PITPNB: variants seen among roughly 807,000 people sequenced by gnomAD.
PITPNB encodes phosphatidylinositol transfer protein beta isoform.
PITPNB carries 16 observed loss-of-function variants against 45.9 expected under a neutral mutation model. The observed-to-expected ratio is 0.35, with a 90% CI of 0.24 to 0.53. The LOEUF (loss-of-function observed/expected upper bound fraction) is 0.53. Among genes scored for constraint, PITPNB ranks in the 20% least tolerant of loss-of-function variants. The pLI is 0.93. For missense variants in PITPNB, 188 were observed against 330.5 expected (o/e 0.57, Z 3.34); for synonymous variants, 112 against 108.9 (o/e 1.03, Z -0.18).
At chr22:27,909,542 A>G (rs1485869216) in intron 3 of PITPNB, among the ~76,000 whole-genome samples, 1 of 152,148 alleles carries the variant, frequency 6.6e-6, no homozygotes, top group Non-Finnish European at 1.5e-5. Flanking sequence ...AAGACATTCA[A>G]CCTCACTAAT....
chr22:27,873,086 G>A (rs976065984), intron 8 of PITPNB, among the ~76,000 whole-genome samples: 2 of 152,144 alleles, frequency 1.3e-5, no homozygotes, highest in African/African-American at 4.8e-5. Context: ...TGACCAACAT[G>A]GAGAAACCCC....
chr22:27,878,251 A>G (rs1406315200), intron 7 of PITPNB, among the ~76,000 whole-genome samples: 2 of 152,122 alleles, frequency 1.3e-5, no homozygotes, highest in Admixed American at 1.3e-4. Flanking sequence ...ACTGCCCTGA[A>G]TTTTCCAGTA....
intron 7 of PITPNB, among the ~76,000 whole-genome samples, chr22:27,885,847 A>C (rs1278166673): frequency 2.0e-5 from 3 of 152,272 alleles, no homozygotes; most frequent in Admixed American, 6.5e-5. Flanking sequence ...ACATTTGCAA[A>C]TTCTCTCTGA....
At chr22:27,910,656 C>A in intron 3 of PITPNB, 1 of 216,714 alleles carries the variant, frequency 4.6e-6, no homozygotes, top group Non-Finnish European at 9.2e-6. Context: ...TTAAAAATTC[C>A]TTTGAATATA....
intron 8 of PITPNB, among the ~76,000 whole-genome samples, chr22:27,870,128 G>C (rs550055459): frequency 6.6e-6 from 1 of 152,246 alleles, no homozygotes; most frequent in South Asian, 2.1e-4. Flanking sequence ...AACTACCACC[G>C]AATCAGGTGT....
intron 3 of PITPNB, among the ~76,000 whole-genome samples, chr22:27,908,687 A>G (rs563988795): frequency 3.3e-5 from 5 of 152,124 alleles, no homozygotes; most frequent in Non-Finnish European, 7.4e-5. Flanking sequence ...GAGTATATAT[A>G]AGCAAATTCA....
At position 27,884,905 on chromosome 22, in the gene PITPNB, T is replaced by C. The variant is rs190274397; in HGVS notation, c.456+9650A>G. The stretch of plus-strand genomic sequence containing the variant: ...ACATTGTTTCTACTTAAAAAGTACC[T>C]TGAAAATTATACAAATAAAGTCACA... On this transcript the variant is annotated intron_variant, in intron 7 of 11. Coordinates refer to ENST00000335272, the MANE Select transcript of PITPNB (RefSeq NM_012399.5). Among the ~76,000 whole-genome samples the C allele has an allele frequency of 3.1e-3, 474 of 152,174 alleles. 1 individual carries two copies. The highest frequency in any genetic ancestry group is 9.9e-3 in the East Asian group (51 of 5,172).
In PITPNB at chr22:27,892,705, T is replaced by C. The variant is rs565532487; in HGVS notation, c.456+1850A>G. Reference sequence around the variant, plus strand: ...GAGAAATAAAAGGGCATAACAGATATATCATTTCATTTCTACAGATTGAAA... The same window carrying C: ...GAGAAATAAAAGGGCATAACAGATACATCATTTCATTTCTACAGATTGAAA... On this transcript the variant is annotated intron_variant, in intron 7 of 11. Transcript: ENST00000335272. Among the ~76,000 whole-genome samples, 107 of 152,316 alleles carry C rather than the reference T, an allele frequency of 7.0e-4. 1 individual carries two copies. The highest frequency in any genetic ancestry group is 3.4e-3 in the Middle Eastern group (1 of 294).
In PITPNB at chr22:27,911,124, A is replaced by G. The variant is rs1935909324; in HGVS notation, c.52-15T>C. ...CCAACCTGATACTGAAATTTCAAAG[A>G]ATACAGAAACTGAGTAAGTCAGTAG... On this transcript the variant is annotated splice_polypyrimidine_tract_variant and intron_variant, in intron 2 of 11. Transcript: ENST00000335272. 1 of 1,607,610 alleles carries G rather than the reference A, an allele frequency of 6.2e-7. No individual in the cohort carries two copies. Among genetic ancestry groups the G allele is most frequent in the African/African-American group, 1.3e-5 (1 of 74,930 alleles).
intron 3 of PITPNB, among the ~76,000 whole-genome samples, chr22:27,899,500 T>A (rs962933696): frequency 6.6e-6 from 1 of 152,082 alleles, no homozygotes; most frequent in Admixed American, 6.5e-5. Context: ...TTTTTTTGTA[T>A]TTTTAGTAGA....
rs1019075285 is a variant in PITPNB, at chr22:27,895,505, G to A, written c.373-867C>T. On this transcript the variant is annotated intron_variant, in intron 6 of 11. Coordinates refer to ENST00000335272, the MANE Select transcript of PITPNB (RefSeq NM_012399.5). ...CTTGGGAGGCTGAGGCAGGAGAATT[G>A]CTTGAACCCAGGAGGCAGAGGTTGC... is the stretch of plus-strand genomic sequence containing the variant. 1.3e-4 allele frequency among the ~76,000 whole-genome samples: 20 copies of A among 151,864 alleles called. No homozygotes were observed. In the East Asian group the frequency reaches 2.1e-3, roughly 16 times the overall value.
rs1008394072 is a variant in PITPNB, at chr22:27,858,446, C to T, written c.709G>A (p.Asp237Asn). ...CTCCTAATGTCTTCCATCGTGAGAT[C>T]GATCCACTTGTCAATCCAACAAAAA... ...QLFCWIDKWIDLTMEDIRRME... is the reference protein window; with the variant it reads ...QLFCWIDKWINLTMEDIRRME... The change falls in exon 10 of 12, where the codon GAT (aspartate) becomes AAT (asparagine). Residue 237 changes from aspartate (D) to asparagine (N), a missense_variant. Transcript: ENST00000335272. 5.6e-6 allele frequency: 9 copies of T among 1,609,130 alleles called. No individual in the cohort carries two copies. The highest frequency in any genetic ancestry group is 4.5e-5 in the East Asian group (2 of 44,820).
intron 7 of PITPNB, among the ~76,000 whole-genome samples, chr22:27,882,615 T>C (rs1177551981): frequency 2.0e-5 from 3 of 152,220 alleles, no homozygotes; most frequent in Non-Finnish European, 4.4e-5. Flanking sequence ...AATCCCATTA[T>C]AGTCCTTTGA....
At chr22:27,858,702 A>C (rs1934238090) in intron 9 of PITPNB, among the ~76,000 whole-genome samples, 193 bp from the exon 10 acceptor site, 1 of 152,128 alleles carries the variant, frequency 6.6e-6, no homozygotes, top group African/African-American at 2.4e-5. Context: ...ACAAAAAAAA[A>C]CTTTCCCTGT....
rs1934089707 is a variant in PITPNB, at chr22:27,853,645, C to T, written c.*57G>A. The T allele has an allele frequency of 6.4e-7, 1 of 1,550,810 alleles. No individual in the cohort carries two copies. Among genetic ancestry groups the T allele is most frequent in the South Asian group, 1.2e-5 (1 of 84,054 alleles). ...TCACTGGCTGCGCTTGTTCCCCTCA[C>T]TTGACCTTGATTACGTAACTGTAAG... On this transcript the variant is annotated 3_prime_UTR_variant, in exon 12 of 12. Transcript: ENST00000335272.
At chr22:27,900,058 C>T (rs1242608806) in intron 3 of PITPNB, among the ~76,000 whole-genome samples, 1 of 152,002 alleles carries the variant, frequency 6.6e-6, no homozygotes, top group East Asian at 1.9e-4. Flanking sequence ...AAAAAATTAG[C>T]CGGGCATGGT....
Position 27,858,432 on chromosome 22 carries a change from T to A in PITPNB, c.723A>T (p.Glu241Asp). Residue 241 changes from glutamate to aspartate, a missense_variant, in exon 10 of 12, where the codon GAA becomes GAT. Glu to Asp is a conservative substitution (Grantham distance 45, BLOSUM62 2). Transcript: ENST00000335272. ...TCTCGTCTTCCATTCTCCTAATGTC[T>A]TCCATCGTGAGATCGATCCACTTGT... is the stretch of plus-strand genomic sequence containing the variant. ...WIDKWIDLTM[E>D]DIRRMEDETQ... 1 of 1,609,974 alleles carries A rather than the reference T, an allele frequency of 6.2e-7. No individual in the cohort carries two copies. Among genetic ancestry groups the A allele is most frequent in the South Asian group, 1.1e-5 (1 of 90,782 alleles).
intron 3 of PITPNB, among the ~76,000 whole-genome samples, chr22:27,904,158 C>G (rs528778195): frequency 6.6e-6 from 1 of 152,102 alleles, no homozygotes; most frequent in Admixed American, 6.6e-5. Flanking sequence ...AAAACATGTT[C>G]ACACACACAC....
At chr22:27,861,720 C>T (rs1569004843) in intron 8 of PITPNB, among the ~76,000 whole-genome samples, 1 of 152,024 alleles carries the variant, frequency 6.6e-6, no homozygotes, top group Non-Finnish European at 1.5e-5. Context: ...AACTTGAAGC[C>T]CCAGTGTTGG....
Sources: gnomAD v4.1 joint callset for allele counts (sites outside exome capture counted in the v4.1 genomes callset) on GRCh38, gnomAD v4.1.1 for gene constraint, MANE v1.5 for transcripts, NCBI Gene and HGNC (gene_info 2026-07-23, HGNC 2026-07-21) for gene names.